Variants in NRXN1 observed in about 807,000 individuals in gnomAD.
NRXN1 encodes the protein neurexin-1.
NRXN1 carries 39 observed loss-of-function variants against 150.9 expected under a neutral mutation model. That is an observed-to-expected ratio of 0.26 (90% CI 0.20 to 0.34). NRXN1 has a LOEUF of 0.34. Ranked by LOEUF, NRXN1 falls within the 10% of genes least tolerant of loss-of-function variation. The pLI is 1.00. For missense variants in NRXN1, 1,815 were observed against 1,949.9 expected (o/e 0.93, Z 1.30); for synonymous variants, 924 against 757.0 (o/e 1.22, Z -3.62).
At chr2:50,098,832 T>A (rs12988599) in intron 18 of NRXN1, among the ~76,000 whole-genome samples, 506 of 10,036 alleles carry the variant, frequency 0.05, 17 homozygotes, top group African/African-American at 0.15. Flanking sequence ...TGGTTTTAGT[T>A]TTTTTTTTTT....
At chr2:50,985,534 T>C (rs1697555934) in intron 2 of NRXN1, 1 of 151,592 alleles carries the variant, frequency 6.6e-6, no homozygotes, top group African/African-American at 2.4e-5. Context: ...TTTTAAGATC[T>C]ACAAGAACTC....
intron 5 of NRXN1, among the ~76,000 whole-genome samples, chr2:50,803,684 G>C (rs1282840468): frequency 6.6e-6 from 1 of 152,176 alleles, no homozygotes; most frequent in Non-Finnish European, 1.5e-5. Flanking sequence ...CATGCTGTTT[G>C]AGGTCAGCCT....
intron 5 of NRXN1, among the ~76,000 whole-genome samples, chr2:50,784,806 G>T (rs1383967759): frequency 1.3e-5 from 2 of 152,038 alleles, no homozygotes; most frequent in Non-Finnish European, 2.9e-5. Context: ...GGACAAGGGT[G>T]ATGGTAATAG....
intron 17 of NRXN1, among the ~76,000 whole-genome samples, chr2:50,264,009 T>C (rs1438498829): frequency 1.3e-5 from 2 of 152,150 alleles, no homozygotes; most frequent in Non-Finnish European, 2.9e-5. Context: ...TAAGATTTAA[T>C]GAACCTAGTC....
At chr2:50,254,472 G>T (rs1165366758) in intron 17 of NRXN1, among the ~76,000 whole-genome samples, 1 of 151,130 alleles carries the variant, frequency 6.6e-6, no homozygotes, top group Non-Finnish European at 1.5e-5. Context: ...GGGTTTGTTG[G>T]CTCTTGGTTC....
intron 17 of NRXN1, among the ~76,000 whole-genome samples, chr2:50,272,568 A>G (rs1179920643): frequency 2.0e-5 from 3 of 152,182 alleles, no homozygotes; most frequent in African/African-American, 7.2e-5. Flanking sequence ...TCTCTGAAAC[A>G]AGAGTCTGAA....
rs200549055 is a variant in NRXN1 at position 50,486,531 on chromosome 2, G to A, written c.3070+9374C>T. 4.6e-5 allele frequency among the ~76,000 whole-genome samples: 7 copies of A among 152,280 alleles called. No individual in the cohort carries two copies. The East Asian group carries it at 1.4e-3, about 29-fold the overall frequency. The stretch of plus-strand genomic sequence containing the variant: ...TTTTTAACTGTCAAAGGGCTGTTGT[G>A]TTAGAGAAAGAATGGTACACTAGTA... On this transcript the variant is annotated intron_variant, in intron 15 of 22. Coordinates refer to ENST00000401669, the MANE Select transcript of NRXN1 (RefSeq NM_001330078.2).
intron 18 of NRXN1, among the ~76,000 whole-genome samples, chr2:50,134,876 C>T (rs1706150445): frequency 6.6e-6 from 1 of 152,124 alleles, no homozygotes; most frequent in African/African-American, 2.4e-5. Context: ...TGATATATAC[C>T]TGGCAGGTAA....
chr2:50,329,663 ATATATATATATT>A (rs1400770416), intron 17 of NRXN1, among the ~76,000 whole-genome samples: 399 of 28,684 alleles, frequency 0.014, 31 homozygotes, highest in Admixed American at 0.037. Context: ...ATATATATAT[ATATATATATATT>A]TTTTTTTTTC....
rs1573796431 is a variant in NRXN1, at chr2:50,614,640, A to AT, written c.1320+5381_1320+5382insA. 3.5e-5 allele frequency among the ~76,000 whole-genome samples: 5 copies of AT among 143,320 alleles called. No homozygotes were observed. The East Asian group carries it at 1.0e-3, about 29-fold the overall frequency. 94.0% of individuals were successfully genotyped at this position (143,320 alleles called of 152,430 possible). A position where few individuals can be genotyped will look rare whatever the true frequency, so the allele number is the denominator to read the frequency against. On this transcript the variant is annotated intron_variant, in intron 8 of 22. Coordinates refer to ENST00000401669, the MANE Select transcript of NRXN1 (RefSeq NM_001330078.2). ...ACCCTAGAACTTAAAGTATAATAAA[A>AT]ATATATATATATATATATAAAATAA...
Position 50,698,275 on chromosome 2 carries a change from C to A in NRXN1, c.833-74660G>T, listed in dbSNP as rs57489293. Reference sequence around the variant, plus strand: ...TAGTCCCTGAGACTTTCGGGAGGGCCAAGGGCCAAAATCTTTTTCATCATC... The same window carrying A: ...TAGTCCCTGAGACTTTCGGGAGGGCAAAGGGCCAAAATCTTTTTCATCATC... On this transcript the variant is annotated intron_variant, in intron 5 of 22. Coordinates refer to ENST00000401669, the MANE Select transcript of NRXN1 (RefSeq NM_001330078.2). 4.3e-3 allele frequency among the ~76,000 whole-genome samples: 655 copies of A among 152,270 alleles called. 9 individuals are homozygous for A. The highest frequency in any genetic ancestry group is 0.015 in the African/African-American group (610 of 41,550).
rs981749640 is a variant in NRXN1, at chr2:49,998,575, G to A, written c.4128+54696C>T. On this transcript the variant is annotated intron_variant, in intron 21 of 22. Coordinates refer to ENST00000401669, the MANE Select transcript of NRXN1 (RefSeq NM_001330078.2). ...TACTTCTTTATGTAACAATTAAAATGTAAAATGAACCAATTTTTGCTGAAA... is the reference window on the plus strand; with the variant it reads ...TACTTCTTTATGTAACAATTAAAATATAAAATGAACCAATTTTTGCTGAAA... Among the ~76,000 whole-genome samples the A allele has an allele frequency of 6.6e-5, 10 of 152,082 alleles. No homozygotes were observed. In the East Asian group the frequency reaches 1.7e-3, roughly 26 times the overall value.
At chr2:50,960,203 G>C (rs1027015513) in intron 2 of NRXN1, among the ~76,000 whole-genome samples, 2 of 151,848 alleles carry the variant, frequency 1.3e-5, no homozygotes, top group African/African-American at 4.8e-5. Context: ...GCGAGAAAGA[G>C]AACAACAGAT....
intron 18 of NRXN1, among the ~76,000 whole-genome samples, chr2:50,093,972 A>T (rs574327697): frequency 1.2e-4 from 19 of 152,292 alleles, no homozygotes; most frequent in African/African-American, 4.6e-4. Context: ...AGATTTGGTA[A>T]ATCTAGCTGT....
chr2:50,408,683 CTG>C (rs2082924325), intron 17 of NRXN1, among the ~76,000 whole-genome samples: 1 of 152,108 alleles, frequency 6.6e-6, no homozygotes, highest in African/African-American at 2.4e-5. Context: ...GTGTGTGCGT[CTG>C]TGTCTGTTTT....
At chr2:50,481,125 GCCCAGGT>G (rs1184168800) in intron 15 of NRXN1, among the ~76,000 whole-genome samples, 1 of 152,180 alleles carries the variant, frequency 6.6e-6, no homozygotes, top group Non-Finnish European at 1.5e-5. Flanking sequence ...CTTATTGCAA[GCCCAGGT>G]CTTCTGAAAC....
intron 8 of NRXN1, among the ~76,000 whole-genome samples, chr2:50,588,012 A>C (rs1673456261): frequency 6.6e-6 from 1 of 152,202 alleles, no homozygotes; most frequent in Non-Finnish European, 1.5e-5. Context: ...CTAGGCACTC[A>C]ATAAGACTAG....
At position 51,017,420 on chromosome 2, in the gene NRXN1, AGAACTCCTG is replaced by A. The variant is rs202197213; in HGVS notation, c.772+10073_772+10081del. The stretch of plus-strand genomic sequence containing the variant: ...GCACAATAATAGCCCACTGCCTCCT[AGAACTCCTG>A]GGATCAAGCAATCTTCACACCTCAG... On this transcript the variant is annotated intron_variant, in intron 2 of 22. Transcript: ENST00000401669. Among the ~76,000 whole-genome samples, 149 of 146,016 alleles carry A rather than the reference AGAACTCCTG, an allele frequency of 1.0e-3. 2 individuals are homozygous for A. The East Asian group carries it at 0.022, about 21-fold the overall frequency.
At chr2:50,357,618 T>C (rs1247763370) in intron 17 of NRXN1, among the ~76,000 whole-genome samples, 12 of 152,134 alleles carry the variant, frequency 7.9e-5, no homozygotes, top group Non-Finnish European at 1.8e-4. Flanking sequence ...ATATTTTTAT[T>C]TATTTATGTG....
Sources: allele counts gnomAD v4.1 joint callset (sites outside exome capture counted in the v4.1 genomes callset), GRCh38; gene constraint gnomAD v4.1.1; transcripts MANE v1.5; gene names NCBI Gene and HGNC (gene_info 2026-07-23, HGNC 2026-07-21).